Variants in BTBD8 observed in about 807,000 individuals in gnomAD.
The protein encoded by BTBD8 is BTB/POZ domain-containing protein 8.
A neutral mutation model predicts 162.9 loss-of-function variants in BTBD8; 110 were observed. The observed-to-expected ratio is 0.68, with a 90% CI of 0.58 to 0.79. The LOEUF is 0.79. Ranked by LOEUF, BTBD8 falls within the 30% of genes least tolerant of loss-of-function variation. The pLI is 0.00. For synonymous variants in BTBD8, 667 were observed against 716.1 expected (o/e 0.93, Z 1.10); for missense variants, 1,905 against 2,085.4 (o/e 0.91, Z 1.68).
In BTBD8 at chr1:92,182,402, G is replaced by A; in HGVS notation, c.4719G>A (p.Leu1573=). 3 of 1,550,066 alleles carry A rather than the reference G, an allele frequency of 1.9e-6. No individual in the cohort carries two copies. Among genetic ancestry groups the A allele is most frequent in the Non-Finnish European group, 1.7e-6 (2 of 1,146,560 alleles). Residue 1573 remains leucine, a synonymous_variant, in exon 17 of 18, where the codon TTG becomes TTA. Transcript: ENST00000636805. ...ACATTCAGCAACGCAGCAAATTCTT[G>A]GATAGTGATGTAAAATCTCAAGAAA... ...ENDIQQRSKF[L]DSDVKSQERP...
intron 10 of BTBD8, 140 bp from the exon 11 acceptor site, chr1:92,167,708 G>A (rs906972762): frequency 3.6e-5 from 22 of 613,972 alleles, no homozygotes; most frequent in East Asian, 5.9e-5. Flanking sequence ...GCATATATGC[G>A]AATTTTTTAA....
chr1:92,088,669 A>C (rs1648219531), intron 1 of BTBD8, 29 bp from the exon 2 acceptor site: 1 of 1,484,334 alleles, frequency 6.7e-7, no homozygotes. Context: ...ATCACTAATT[A>C]AACTATGATT....
chr1:92,087,485 C>G (rs1004928580), intron 1 of BTBD8, among the ~76,000 whole-genome samples: 1 of 152,098 alleles, frequency 6.6e-6, no homozygotes, highest in African/African-American at 2.4e-5. Flanking sequence ...TTTCAAGGTT[C>G]TGAAAGCTTT....
intron 10 of BTBD8, 94 bp from the exon 11 acceptor site, chr1:92,167,754 A>G: frequency 1.0e-6 from 1 of 987,122 alleles, no homozygotes. Flanking sequence ...TTGACTTCAT[A>G]CAGCTAGTTA....
rs568759414 is a variant in BTBD8 at position 92,095,861 on chromosome 1, T to G, written c.348-6612T>G. Among the ~76,000 whole-genome samples, 4 of 152,338 alleles carry G rather than the reference T, an allele frequency of 2.6e-5. No individual in the cohort carries two copies. In the South Asian group the frequency reaches 8.3e-4, roughly 32 times the overall value. ...TAACTACAGCCCCCCGTCATCTTGA[T>G]TCTAAGAATCTTACTCTCTAACTTC... On this transcript the variant is annotated intron_variant, in intron 2 of 17. Coordinates refer to ENST00000636805, the MANE Select transcript of BTBD8 (RefSeq NM_001376131.1).
In BTBD8 at chr1:92,180,395, A is replaced by G. The variant is rs751702442; in HGVS notation, c.2712A>G (p.Gln904=). The part of the protein sequence containing the change: ...KQAPKRKMVK[Q]VHTALPKVNA... ...CACCTAAGAGAAAAATGGTCAAGCA[A>G]GTACACACAGCTTTGCCTAAGGTTA... Residue 904 remains glutamine (Q), a synonymous_variant, in exon 17 of 18, where the codon CAA becomes CAG. Transcript: ENST00000636805. 1.2e-5 allele frequency: 18 copies of G among 1,551,690 alleles called. No individual in the cohort carries two copies. The highest frequency in any genetic ancestry group is 2.7e-5 in the African/African-American group (2 of 73,162).
rs138251610 is a variant in BTBD8, at chr1:92,133,048, A to G, written c.752+3272A>G. 2.0e-3 allele frequency among the ~76,000 whole-genome samples: 302 copies of G among 152,334 alleles called. 2 individuals carry two copies. Among genetic ancestry groups the G allele is most frequent in the African/African-American group, 7.0e-3 (290 of 41,580 alleles). On this transcript the variant is annotated intron_variant, in intron 5 of 17. Coordinates refer to ENST00000636805, the MANE Select transcript of BTBD8 (RefSeq NM_001376131.1). Reference sequence around the variant, plus strand: ...TGGCATATAAAGCTGTTGGAAGGCTAAAGGGGATTAAGGAATTTTACTTTA... The same window carrying G: ...TGGCATATAAAGCTGTTGGAAGGCTGAAGGGGATTAAGGAATTTTACTTTA...
intron 2 of BTBD8, 50 bp from the exon 3 acceptor site, chr1:92,102,423 T>C: frequency 8.2e-7 from 1 of 1,214,818 alleles, no homozygotes; most frequent in Non-Finnish European, 1.1e-6. Flanking sequence ...TTCTTTCTTT[T>C]TAAGAATCAC....
intron 9 of BTBD8, among the ~76,000 whole-genome samples, chr1:92,153,102 T>C (rs1241612163): frequency 6.6e-6 from 1 of 150,454 alleles, no homozygotes; most frequent in Non-Finnish European, 1.5e-5. Flanking sequence ...GAAAATCTTA[T>C]AATAGGTACA....
At position 92,177,474 on chromosome 1, in the gene BTBD8, A is replaced by G; in HGVS notation, c.2281A>G (p.Lys761Glu). The G allele has an allele frequency of 1.9e-6, 3 of 1,551,600 alleles. No individual in the cohort carries two copies. The highest frequency in any genetic ancestry group is 2.6e-6 in the Non-Finnish European group (3 of 1,146,996). Residue 761 changes from lysine to glutamate, a missense_variant, in exon 14 of 18, where the codon AAA becomes GAA. By Grantham distance (56) the Lys-to-Glu change is moderately conservative. This residue lies in a region of BTBD8 where 1,374 missense variants were observed against 1,442.7 expected (regional missense o/e 0.95). Transcript: ENST00000636805. ...AGAAGAAGAAAAGCCTTCTGGACAT[A>G]AACTATCCTTTTGTGATTCTCCAGG... ...STEEEKPSGH[K>E]LSFCDSPGQM...
intron 9 of BTBD8, among the ~76,000 whole-genome samples, chr1:92,151,072 GC>G (rs971719084): frequency 1.3e-5 from 2 of 152,138 alleles, no homozygotes; most frequent in Non-Finnish European, 2.9e-5. Flanking sequence ...TAAATGTAAG[GC>G]TAGGCATGGT....
At chr1:92,080,861 AG>A in intron 1 of BTBD8, 141 bp downstream of exon 1, 1 of 1,338,802 alleles carries the variant, frequency 7.5e-7, no homozygotes, top group Non-Finnish European at 1.0e-6. Flanking sequence ...GTCGTTAGCC[AG>A]TCTCCCCACT....
At chr1:92,130,114 C>T (rs886088639) in intron 5 of BTBD8, among the ~76,000 whole-genome samples, 4 of 152,134 alleles carry the variant, frequency 2.6e-5, no homozygotes, top group African/African-American at 9.7e-5. Flanking sequence ...TGCATTCTGC[C>T]GCCTTCTTGC....
intron 7 of BTBD8, among the ~76,000 whole-genome samples, chr1:92,142,133 C>T (rs1234971152): frequency 6.6e-6 from 1 of 152,182 alleles, no homozygotes; most frequent in African/African-American, 2.4e-5. Flanking sequence ...GTTAACCCCT[C>T]GGCTTCCTTT....
At chr1:92,140,684 T>C (rs911053774) in intron 6 of BTBD8, among the ~76,000 whole-genome samples, 2 of 152,362 alleles carry the variant, frequency 1.3e-5, no homozygotes, top group African/African-American at 4.8e-5. Context: ...CATTGGATGC[T>C]ATCTCCAATC....
In BTBD8 at chr1:92,182,447, T is replaced by C. The variant is rs569100817; in HGVS notation, c.4764T>C (p.Leu1588=). 25 of 1,551,566 alleles carry C rather than the reference T, an allele frequency of 1.6e-5. 1 individual carries two copies. The Admixed American group carries it at 4.7e-4, about 29-fold the overall frequency. The change falls in exon 17 of 18, where the codon CTT becomes CTC. Residue 1588 remains leucine (L), a synonymous_variant. Transcript: ENST00000636805. ...KSQERPCHLD[L]HQREPNSDIP... ...AAGAAAGACCATGTCACTTGGATCT[T>C]CATCAAAGAGAACCCAATTCTGACA...
intron 9 of BTBD8, among the ~76,000 whole-genome samples, chr1:92,148,550 C>T (rs1026434672): frequency 1.3e-5 from 2 of 152,178 alleles, no homozygotes; most frequent in African/African-American, 4.8e-5. Flanking sequence ...GGATGCAATA[C>T]ATGCTGTAAA....
At chr1:92,175,470 T>C (rs1186750381) in intron 13 of BTBD8, among the ~76,000 whole-genome samples, 1 of 48,330 alleles carries the variant, frequency 2.1e-5, no homozygotes, top group Non-Finnish European at 3.5e-5. Context: ...AGAGCAAGAC[T>C]CCATCTCAAA....
intron 5 of BTBD8, among the ~76,000 whole-genome samples, chr1:92,132,867 T>TA (rs1179027644): frequency 2.0e-5 from 3 of 152,172 alleles, no homozygotes; most frequent in Admixed American, 6.5e-5. Context: ...TCTTGCTTGA[T>TA]AAAGCAAGGT....
Sources: gnomAD v4.1 joint callset for allele counts (sites outside exome capture counted in the v4.1 genomes callset) on GRCh38, gnomAD v4.1.1 for gene constraint, gnomAD v4.1.1 regional missense constraint, MANE v1.5 for transcripts, NCBI Gene and HGNC (gene_info 2026-07-23, HGNC 2026-07-21) for gene names.